The following MUC6 variants were observed in gnomAD, a reference collection of about 807,000 sequenced individuals.
MUC6 encodes mucin-6.
MUC6 carries 188 observed loss-of-function variants against 201.5 expected under a neutral mutation model. That is an observed-to-expected ratio of 0.93 (90% CI 0.83 to 1.05). The LOEUF (loss-of-function observed/expected upper bound fraction) is 1.05, where lower values mean the gene tolerates loss of function less well. Ranked by LOEUF, MUC6 falls within the 50% of genes least tolerant of loss-of-function variation. The probability of loss-of-function intolerance (pLI) is 0.00; values close to 1 mark genes in which losing one functional copy is unlikely to be tolerated. For missense variants in MUC6, 2,706 were observed against 3,256.9 expected (o/e 0.83, Z 4.12); for synonymous variants, 1,228 against 1,389.4 (o/e 0.88, Z 2.58).
intron 1 of MUC6, among the ~76,000 whole-genome samples, chr11:1,034,672 C>T (rs546543065): frequency 6.6e-6 from 1 of 152,210 alleles, no homozygotes; most frequent in Non-Finnish European, 1.5e-5. Context: ...CTCCCCTGGG[C>T]AATGCCCCCT....
intron 25 of MUC6, 120 bp downstream of exon 25, chr11:1,023,827 G>A (rs1321137814): frequency 6.8e-7 from 1 of 1,460,346 alleles, no homozygotes; most frequent in Non-Finnish European, 9.2e-7. Context: ...TGGCCCCGCA[G>A]GGCACAGCCC....
chr11:1,032,980 G>A, intron 2 of MUC6, 33 bp downstream of exon 2: 1 of 1,558,664 alleles, frequency 6.4e-7, no homozygotes, highest in Non-Finnish European at 8.7e-7. Flanking sequence ...TGGGTGGTCT[G>A]GGCGGCAGGA....
intron 31 of MUC6, among the ~76,000 whole-genome samples, chr11:1,014,444 TC>T (rs1024745714): frequency 1.3e-5 from 2 of 152,006 alleles, no homozygotes; most frequent in Non-Finnish European, 2.9e-5. Context: ...TTGCAGGAGC[TC>T]CGTGTGCCCC....
At chr11:1,036,043 G>A (rs1857208830) in intron 1 of MUC6, among the ~76,000 whole-genome samples, 2 of 152,160 alleles carry the variant, frequency 1.3e-5, no homozygotes, top group South Asian at 2.1e-4. Flanking sequence ...GTAGGGGAGC[G>A]CGGGGGAGAG....
At chr11:1,023,133 G>A (rs541090925) in intron 26 of MUC6, among the ~76,000 whole-genome samples, 8 of 151,546 alleles carry the variant, frequency 5.3e-5, no homozygotes, top group African/African-American at 1.2e-4. Context: ...ATGAGTGTGC[G>A]TGAATGTGCG....
chr11:1,016,299 C>G lies in MUC6; in HGVS notation c.6502G>C (p.Ala2168Pro). Residue 2168 changes from alanine (A) to proline (P), a missense_variant, in exon 31 of 33, where the codon GCC becomes CCC. By Grantham distance (27) the Ala-to-Pro change is conservative. This residue lies in a region of MUC6 where 586 missense variants were observed against 488.0 expected (regional missense o/e 1.20). Transcript: ENST00000421673. ...SVGTSSSFVSAPVHSTTLSSG... is the reference protein window; with the variant it reads ...SVGTSSSFVSPPVHSTTLSSG... ...CTCAGGGTTGTGGAGTGCACGGGGG[C>G]GGACACGAAAGAGGAAGATGTGCCA... 6.2e-7 allele frequency: 1 copy of G among 1,611,568 alleles called. No homozygotes were observed. Among genetic ancestry groups the G allele is most frequent in the Non-Finnish European group, 8.5e-7 (1 of 1,179,128 alleles).
intron 26 of MUC6, 44 bp from the exon 27 acceptor site, chr11:1,021,321 C>G (rs768569239): frequency 7.2e-7 from 1 of 1,397,636 alleles, no homozygotes; most frequent in Non-Finnish European, 9.5e-7. Context: ...GGTGGCCAGC[C>G]AGGCCCACCT....
rs532416635 is a variant in MUC6 at position 1,026,053 on chromosome 11, A to G, written c.2635T>C (p.Phe879Leu). The G allele has an allele frequency of 6.3e-7, 1 of 1,594,280 alleles. No homozygotes were observed. The highest frequency in any genetic ancestry group is 1.1e-5 in the South Asian group (1 of 87,832). Reference sequence around the variant, plus strand: ...TCGAATACGAAGCGCTGGCCGTCGAAGGTGATGACGTGGCCCTCCCCGTAG... The same window carrying G: ...TCGAATACGAAGCGCTGGCCGTCGAGGGTGATGACGTGGCCCTCCCCGTAG... ...TLYGEGHVIT[F>L]DGQRFVFDGN... Residue 879 changes from phenylalanine (F) to leucine (L), a missense_variant, in exon 21 of 33, where the codon TTC becomes CTC. Around this residue, in one of 10 missense-constraint regions of MUC6, gnomAD observed 1,850 missense variants for 1,958.3 expected, o/e 0.94. Coordinates refer to ENST00000421673, the MANE Select transcript of MUC6 (RefSeq NM_005961.3).
At position 1,023,983 on chromosome 11, in the gene MUC6, C is replaced by G; in HGVS notation, c.3346G>C (p.Gly1116Arg). 6.2e-7 allele frequency: 1 copy of G among 1,612,818 alleles called. No homozygotes were observed. ...AAYAQACLDKGVCVDWRTPAF... is the reference protein window; with the variant it reads ...AAYAQACLDKRVCVDWRTPAF... Reference sequence around the variant, plus strand: ...GGGGTCCTCCAGTCCACGCACACACCCTTGTCCAGACAGGCTTGGGCGTAG... The same window carrying G: ...GGGGTCCTCCAGTCCACGCACACACGCTTGTCCAGACAGGCTTGGGCGTAG... The change falls in exon 25 of 33, where the codon GGT becomes CGT. Residue 1116 changes from glycine (G) to arginine (R), a missense_variant. This residue lies in a region of MUC6 where 1,850 missense variants were observed against 1,958.3 expected (regional missense o/e 0.94). Coordinates refer to ENST00000421673, the MANE Select transcript of MUC6 (RefSeq NM_005961.3).
chr11:1,020,391 G>T, intron 28 of MUC6, 134 bp from the exon 29 acceptor site: 2 of 1,241,622 alleles, frequency 1.6e-6, no homozygotes, highest in Non-Finnish European at 2.2e-6. Flanking sequence ...GGGCTGGCCT[G>T]TGGCACTCTG....
chr11:1,031,690 G>T lies in MUC6; in HGVS notation c.400C>A (p.Pro134Thr). The T allele has an allele frequency of 1.3e-6, 2 of 1,550,952 alleles. No homozygotes were observed. The highest frequency in any genetic ancestry group is 1.7e-6 in the Non-Finnish European group (2 of 1,147,022). The change falls in exon 4 of 33, where the codon CCC becomes ACC. Residue 134 changes from proline (P) to threonine (T), a missense_variant. Transcript: ENST00000421673. ...ACCAGCCGCACGCTCTGGCCGAAGGGTGTGATCTGGAGTCCATTGCTGGTA... is the reference window on the plus strand; with the variant it reads ...ACCAGCCGCACGCTCTGGCCGAAGGTTGTGATCTGGAGTCCATTGCTGGTA... The part of the protein sequence containing the change: ...PYTSNGLQIT[P>T]FGQSVRLVAK...
intron 29 of MUC6, chr11:1,019,817 G>T (rs1026402538): frequency 1.6e-6 from 1 of 638,154 alleles, no homozygotes; most frequent in Non-Finnish European, 2.8e-6. Context: ...TGGGGCAGGG[G>T]CAGGCTGCCT....
chr11:1,021,355 T>G, intron 26 of MUC6, 78 bp from the exon 27 acceptor site: 5 of 731,746 alleles, frequency 6.8e-6, no homozygotes, highest in South Asian at 2.9e-5. Flanking sequence ...CCTGGCGGCC[T>G]CCTTCCTCTC....
intron 24 of MUC6, 45 bp from the exon 25 acceptor site, chr11:1,024,148 C>T (rs767395442): frequency 1.5e-5 from 23 of 1,580,896 alleles, no homozygotes; most frequent in East Asian, 6.8e-5. Flanking sequence ...CGGGGGATGG[C>T]GGGGCATCAG....
intron 3 of MUC6, 38 bp from the exon 4 acceptor site, chr11:1,031,771 C>T: frequency 6.4e-7 from 1 of 1,552,316 alleles, no homozygotes. Flanking sequence ...ATCCTCAGTC[C>T]TCCGGCCCCC....
Position 1,020,083 on chromosome 11 carries a change from T to C in MUC6, c.3808+7A>G, listed in dbSNP as rs201142648. 9.4e-5 allele frequency: 151 copies of C among 1,613,108 alleles called. 1 individual carries two copies. The African/African-American group carries it at 1.8e-3, about 19-fold the overall frequency. ...CCTCTCCATGGGCTCAGCTGGAGGC[T>C]CCTTACCTCCCGAGGAGGCTGTGGG... On this transcript the variant is annotated splice_region_variant and intron_variant, in intron 29 of 32. Coordinates refer to ENST00000421673, the MANE Select transcript of MUC6 (RefSeq NM_005961.3).
rs755972613 is a variant in MUC6, at chr11:1,016,244, T to G, written c.6557A>C (p.His2186Pro). The part of the protein sequence containing the change: ...SSGSHSSLST[H>P]PTTASVSASP... ...TGCAGACACTGATGCAGTCGTGGGA[T>G]GAGTGGACAATGAGGAGTGTGACCC... is the stretch of plus-strand genomic sequence containing the variant. The change falls in exon 31 of 33, where the codon CAT becomes CCT. Residue 2186 changes from histidine (H) to proline (P), a missense_variant. Around this residue, in one of 10 missense-constraint regions of MUC6, gnomAD observed 586 missense variants for 488.0 expected, o/e 1.20. Coordinates refer to ENST00000421673, the MANE Select transcript of MUC6 (RefSeq NM_005961.3). 2.5e-6 allele frequency: 4 copies of G among 1,612,858 alleles called. No homozygotes were observed. Among genetic ancestry groups the G allele is most frequent in the Non-Finnish European group, 3.4e-6 (4 of 1,179,616 alleles).
Position 1,023,685 on chromosome 11 carries a change from T to TCCTGGC in MUC6, c.3383-39_3383-34dup, listed in dbSNP as rs199744653. On this transcript the variant is annotated intron_variant, in intron 25 of 32. Coordinates refer to ENST00000421673, the MANE Select transcript of MUC6 (RefSeq NM_005961.3). The stretch of plus-strand genomic sequence containing the variant: ...GAAGGGAGCTGTCAGCTGGTGGGGT[T>TCCTGGC]CCTGGCCCTGGCCCTGGCCCTGACC... 6.9e-3 allele frequency: 11,160 copies of TCCTGGC among 1,608,952 alleles called. 578 individuals carry two copies. The African/African-American group carries it at 0.12, about 17-fold the overall frequency.
chr11:1,019,589 T>G, intron 29 of MUC6, 93 bp from the exon 30 acceptor site: 36 of 1,113,178 alleles, frequency 3.2e-5, no homozygotes, highest in Non-Finnish European at 4.2e-5. Context: ...CTGGGATCCC[T>G]GGCCTGCTGT....
Sources: gnomAD v4.1 joint callset for allele counts (sites outside exome capture counted in the v4.1 genomes callset) on GRCh38, gnomAD v4.1.1 for gene constraint, gnomAD v4.1.1 regional missense constraint, MANE v1.5 for transcripts, NCBI Gene and HGNC (gene_info 2026-07-23, HGNC 2026-07-21) for gene names.